Variants in NKAIN2 observed in about 807,000 individuals in gnomAD.
The protein encoded by NKAIN2 is sodium/potassium-transporting ATPase subunit beta-1-interacting protein 2.
In NKAIN2, 14 loss-of-function variants were observed where a neutral mutation model predicts 32.6. The observed-to-expected ratio is 0.43, with a 90% CI of 0.28 to 0.67. NKAIN2 has a LOEUF of 0.67. Ranked by LOEUF, NKAIN2 falls within the 30% of genes least tolerant of loss-of-function variation. The pLI is 0.17. For missense variants in NKAIN2, 198 were observed against 258.3 expected, an observed-to-expected ratio of 0.77 and a Z score of 1.60; for synonymous variants, 80 against 87.2, an observed-to-expected ratio of 0.92 and a Z score of 0.46.
Position 124,387,223 on chromosome 6 carries a change from T to C in NKAIN2, c.273+31876T>C, listed in dbSNP as rs141323071. On this transcript the variant is annotated intron_variant, in intron 3 of 6. Coordinates refer to ENST00000368417, the MANE Select transcript of NKAIN2 (RefSeq NM_001040214.3). ...TAAAGTTGATTTTACAATAGAAAAA[T>C]GATAAGCAAGCAGTGACATCATGTG... 1.8e-4 allele frequency among the ~76,000 whole-genome samples: 27 copies of C among 152,026 alleles called. No homozygotes were observed. The East Asian group carries it at 3.1e-3, about 17-fold the overall frequency.
At chr6:124,460,238 T>G (rs946526978) in intron 3 of NKAIN2, among the ~76,000 whole-genome samples, 2 of 151,776 alleles carry the variant, frequency 1.3e-5, no homozygotes, top group Non-Finnish European at 3.0e-5. Context: ...CTATTTAGTT[T>G]TCTAGTTCTA....
chr6:123,854,244 A>G (rs1775471075), intron 1 of NKAIN2, among the ~76,000 whole-genome samples: 1 of 152,216 alleles, frequency 6.6e-6, no homozygotes, highest in South Asian at 2.1e-4. Flanking sequence ...TCCATCATTT[A>G]TAAAGATACT....
At chr6:124,007,748 A>G (rs1458950099) in intron 1 of NKAIN2, among the ~76,000 whole-genome samples, 1 of 152,194 alleles carries the variant, frequency 6.6e-6, no homozygotes, top group African/African-American at 2.4e-5. Context: ...GATTTCGCCA[A>G]TAAAATATGA....
At chr6:124,803,142 G>C (rs1206316489) in intron 5 of NKAIN2, among the ~76,000 whole-genome samples, 1 of 152,194 alleles carries the variant, frequency 6.6e-6, no homozygotes, top group East Asian at 1.9e-4. Flanking sequence ...TCTGGCCAGA[G>C]GACCTGTTCC....
intron 4 of NKAIN2, among the ~76,000 whole-genome samples, chr6:124,711,551 C>T (rs553978451): frequency 0.017 from 2,584 of 150,932 alleles, 36 homozygotes; most frequent in Middle Eastern, 0.024. Context: ...CTTCCCTTCT[C>T]GCTTCATTTC....
intron 3 of NKAIN2, among the ~76,000 whole-genome samples, chr6:124,395,603 G>A (rs926619789): frequency 2.0e-4 from 30 of 152,144 alleles, no homozygotes; most frequent in Non-Finnish European, 2.9e-5. Context: ...AGTCACAACT[G>A]AAACTTAGCA....
intron 1 of NKAIN2, among the ~76,000 whole-genome samples, chr6:124,020,037 AT>A (rs1780796567): frequency 6.6e-6 from 1 of 152,104 alleles, no homozygotes; most frequent in Non-Finnish European, 1.5e-5. Flanking sequence ...GTTTAATACC[AT>A]TGTTCACTTT....
At chr6:124,137,037 A>C (rs1562378932) in intron 1 of NKAIN2, among the ~76,000 whole-genome samples, 1 of 152,144 alleles carries the variant, frequency 6.6e-6, no homozygotes, top group Admixed American at 6.5e-5. Context: ...AAAGAAACAA[A>C]GGGCATCTAA....
intron 2 of NKAIN2, among the ~76,000 whole-genome samples, chr6:124,344,912 G>A (rs1453616029): frequency 6.6e-6 from 1 of 152,148 alleles, no homozygotes. Flanking sequence ...TCTTGTGCCA[G>A]TTTTCAAAGG....
At chr6:124,362,253 A>T (rs1427473445) in intron 3 of NKAIN2, among the ~76,000 whole-genome samples, 1 of 152,080 alleles carries the variant, frequency 6.6e-6, no homozygotes, top group East Asian at 1.9e-4. Flanking sequence ...AAAAATTTTT[A>T]TTTCCCAACT....
chr6:124,646,876 G>A (rs1168398497), intron 3 of NKAIN2, among the ~76,000 whole-genome samples: 2 of 151,950 alleles, frequency 1.3e-5, no homozygotes, highest in Non-Finnish European at 2.9e-5. Context: ...GCTTGAAGTT[G>A]GGAGGCGGAG....
At chr6:124,022,971 A>T (rs1387593246) in intron 1 of NKAIN2, among the ~76,000 whole-genome samples, 1 of 151,980 alleles carries the variant, frequency 6.6e-6, no homozygotes, top group Non-Finnish European at 1.5e-5. Context: ...GGGCACCAGC[A>T]TAGCCCAAGT....
chr6:124,440,381 G>C (rs935074680), intron 3 of NKAIN2, among the ~76,000 whole-genome samples: 1 of 152,070 alleles, frequency 6.6e-6, no homozygotes, highest in Non-Finnish European at 1.5e-5. Flanking sequence ...CTGGTCTCAA[G>C]ACCATAACTT....
intron 2 of NKAIN2, among the ~76,000 whole-genome samples, chr6:124,351,524 A>AAT (rs1798731869): frequency 6.6e-6 from 1 of 151,246 alleles, no homozygotes; most frequent in Non-Finnish European, 1.5e-5. Context: ...AAAAAAAAAA[A>AAT]GAAAAGAAGA....
At chr6:124,755,221 A>C (rs1227038146) in intron 4 of NKAIN2, among the ~76,000 whole-genome samples, 1 of 152,148 alleles carries the variant, frequency 6.6e-6, no homozygotes, top group Non-Finnish European at 1.5e-5. Flanking sequence ...GTCCAAAGGC[A>C]GGAGGAACAG....
chr6:124,469,652 T>A (rs1378826361), intron 3 of NKAIN2, among the ~76,000 whole-genome samples: 3 of 152,094 alleles, frequency 2.0e-5, no homozygotes, highest in Non-Finnish European at 4.4e-5. Flanking sequence ...AAACAGAAAA[T>A]TCACACTCCA....
intron 1 of NKAIN2, among the ~76,000 whole-genome samples, chr6:124,174,030 AG>A (rs1789032874): frequency 6.6e-6 from 1 of 152,162 alleles, no homozygotes; most frequent in South Asian, 2.1e-4. Context: ...TGAGGCAAGA[AG>A]GGATATTATG....
intron 5 of NKAIN2, among the ~76,000 whole-genome samples, chr6:124,801,384 C>T (rs1257987308): frequency 6.6e-6 from 1 of 152,168 alleles, no homozygotes. Flanking sequence ...TGGTCACCTA[C>T]TGTAATCCCC....
chr6:123,963,775 A>G (rs1777956019), intron 1 of NKAIN2, among the ~76,000 whole-genome samples: 1 of 152,164 alleles, frequency 6.6e-6, no homozygotes, highest in Non-Finnish European at 1.5e-5. Context: ...AACACACTCA[A>G]TATTGTTGAT....
Sources: allele counts gnomAD v4.1 joint callset (sites outside exome capture counted in the v4.1 genomes callset), GRCh38; gene constraint gnomAD v4.1.1; transcripts MANE v1.5; gene names NCBI Gene and HGNC (gene_info 2026-07-23, HGNC 2026-07-21).